Variants in BEND4 observed in about 807,000 individuals in gnomAD.
BEND4 encodes the protein BEN domain-containing protein 4.
Under a neutral mutation model 54.7 loss-of-function variants are expected in BEND4, and 27 were observed. The observed-to-expected ratio is 0.49, with a 90% CI of 0.36 to 0.68. The LOEUF is 0.68. Ranked by LOEUF, BEND4 falls within the 30% of genes least tolerant of loss-of-function variation. The pLI, the probability that BEND4 is intolerant of heterozygous loss-of-function variation, is 0.00. For missense variants in BEND4, 702 were observed against 697.2 expected (o/e 1.01, Z -0.08); for synonymous variants, 327 against 299.5 (o/e 1.09, Z -0.95).
At position 42,115,851 on chromosome 4, in the gene BEND4, T is replaced by A. The variant is rs1560573236; in HGVS notation, c.*1667A>T. 2 of 115,380 alleles carry A rather than the reference T, an allele frequency of 1.7e-5. No individual in the cohort carries two copies. Among genetic ancestry groups the A allele is most frequent in the Non-Finnish European group, 1.6e-5 (1 of 63,342 alleles). 7.1% of individuals were successfully genotyped at this position (115,380 alleles called of 1,614,324 possible). A position where few individuals can be genotyped will look rare whatever the true frequency, so the allele number is the denominator to read the frequency against. On this transcript the variant is annotated 3_prime_UTR_variant, in exon 6 of 6. Coordinates refer to ENST00000502486, the MANE Select transcript of BEND4 (RefSeq NM_207406.4). ...TTGAATATTGGTTCTCCCTATTCCA[T>A]TGAATGATATGACAAATTTTAGTTA... is the stretch of plus-strand genomic sequence containing the variant.
intron 3 of BEND4, among the ~76,000 whole-genome samples, chr4:42,133,580 C>T (rs370283096): frequency 5.8e-4 from 88 of 152,264 alleles, no homozygotes; most frequent in Middle Eastern, 3.4e-3. Flanking sequence ...ATGGGCGAGG[C>T]GCCGTGGCTC....
At chr4:42,142,132 C>T (rs1332694098) in intron 3 of BEND4, among the ~76,000 whole-genome samples, 1 of 151,580 alleles carries the variant, frequency 6.6e-6, no homozygotes, top group African/African-American at 2.4e-5. Context: ...GTCTCGATCA[C>T]CTGACCTTGT....
rs568684235 is a variant in BEND4 at position 42,151,538 on chromosome 4, C to T, written c.487+119G>A. 261 of 1,092,820 alleles carry T rather than the reference C, an allele frequency of 2.4e-4. 1 individual carries two copies. The African/African-American group carries it at 4.1e-3, about 17-fold the overall frequency. The allele number at this position is 1,092,820 out of a possible 1,614,324, so 67.7% of individuals were successfully genotyped here. On this transcript the variant is annotated intron_variant, in intron 2 of 5. Transcript: ENST00000502486. Reference sequence around the variant, plus strand: ...GCGCGGGGAGGCCCCAGGTGCGCCCCGACATCCCGACACGGCCCAGCACGG... The same window carrying T: ...GCGCGGGGAGGCCCCAGGTGCGCCCTGACATCCCGACACGGCCCAGCACGG...
At chr4:42,149,917 T>C (rs530544062) in intron 2 of BEND4, among the ~76,000 whole-genome samples, 3 of 151,956 alleles carry the variant, frequency 2.0e-5, no homozygotes, top group South Asian at 4.2e-4. Context: ...AAGTAAAATA[T>C]GGAAAGACAA....
rs1297789255 is a variant in BEND4, at chr4:42,115,064, G to A, written c.*2454C>T. On this transcript the variant is annotated 3_prime_UTR_variant, in exon 6 of 6. Coordinates refer to ENST00000502486, the MANE Select transcript of BEND4 (RefSeq NM_207406.4). The stretch of plus-strand genomic sequence containing the variant: ...AAAGCTGTAGGTCCGAGACCCAGCA[G>A]AGGAGTTAGAACTGGCTGTGCGATG... 3.9e-5 allele frequency: 6 copies of A among 152,302 alleles called. No homozygotes were observed. Among genetic ancestry groups the A allele is most frequent in the Non-Finnish European group, 5.9e-5 (4 of 68,086 alleles). 9.4% of individuals were successfully genotyped at this position (152,302 alleles called of 1,614,324 possible). A position where few individuals can be genotyped will look rare whatever the true frequency, so the allele number is the denominator to read the frequency against.
chr4:42,123,256 TAA>T (rs1363846260), intron 4 of BEND4, among the ~76,000 whole-genome samples: 2 of 152,126 alleles, frequency 1.3e-5, no homozygotes, highest in Non-Finnish European at 2.9e-5. Context: ...AATGACAATA[TAA>T]AGAGTCATAA....
At position 42,152,373 on chromosome 4, in the gene BEND4, A is replaced by C; in HGVS notation, c.-230T>G. On this transcript the variant is annotated 5_prime_UTR_variant, in exon 2 of 6. Transcript: ENST00000502486. ...TCCTGATTGACAGGCTGCCTCGCCA[A>C]TGCCTGGAGGGAGAAAGGAGGTAAA... is the stretch of plus-strand genomic sequence containing the variant. 9.9e-6 allele frequency: 3 copies of C among 301,850 alleles called. No individual in the cohort carries two copies. The highest frequency in any genetic ancestry group is 1.5e-4 in the South Asian group (1 of 6,870). 18.7% of individuals were successfully genotyped at this position (301,850 alleles called of 1,614,324 possible). A position where few individuals can be genotyped will look rare whatever the true frequency, so the allele number is the denominator to read the frequency against.
chr4:42,148,328 AAATC>A (rs1277120972), intron 2 of BEND4, among the ~76,000 whole-genome samples: 2 of 152,220 alleles, frequency 1.3e-5, no homozygotes, highest in African/African-American at 2.4e-5. Flanking sequence ...CTAAATAAAT[AAATC>A]AATGATGTGT....
intron 3 of BEND4, among the ~76,000 whole-genome samples, chr4:42,142,664 T>A (rs1046713911): frequency 6.9e-6 from 1 of 145,898 alleles, no homozygotes; most frequent in Non-Finnish European, 1.5e-5. Flanking sequence ...GTAAAATCAG[T>A]ACCTTACCAG....
chr4:42,124,613 AG>A (rs1720203685), intron 4 of BEND4, among the ~76,000 whole-genome samples: 1 of 152,218 alleles, frequency 6.6e-6, no homozygotes, highest in South Asian at 2.1e-4. Flanking sequence ...GAGAGTCACC[AG>A]GGGCCTCTTG....
chr4:42,136,135 G>A (rs1042475309), intron 3 of BEND4, among the ~76,000 whole-genome samples: 7 of 152,080 alleles, frequency 4.6e-5, no homozygotes, highest in African/African-American at 1.2e-4. Context: ...CATATGATCC[G>A]TGAGCTTCTC....
At position 42,152,256 on chromosome 4, in the gene BEND4, A is replaced by C; in HGVS notation, c.-113T>G. The stretch of plus-strand genomic sequence containing the variant: ...GTCTGCCCTGGTGCGCGCGTGTGGG[A>C]GGGTGTGTGTCTGTGCCGTGGCCGC... On this transcript the variant is annotated 5_prime_UTR_variant, in exon 2 of 6. Transcript: ENST00000502486. 1 of 1,072,626 alleles carries C rather than the reference A, an allele frequency of 9.3e-7. No homozygotes were observed. Among genetic ancestry groups the C allele is most frequent in the African/African-American group, 1.7e-5 (1 of 59,024 alleles). The allele number at this position is 1,072,626 out of a possible 1,614,324, so 66.4% of individuals were successfully genotyped here.
chr4:42,122,796 C>T (rs565453992), intron 4 of BEND4, among the ~76,000 whole-genome samples: 16 of 152,226 alleles, frequency 1.1e-4, no homozygotes, highest in African/African-American at 3.9e-4. Flanking sequence ...ACCTGGTAAG[C>T]CAGGATTACA....
chr4:42,130,073 T>C (rs1372230502), intron 3 of BEND4, among the ~76,000 whole-genome samples: 1 of 152,068 alleles, frequency 6.6e-6, no homozygotes, highest in African/African-American at 2.4e-5. Context: ...AACAACCCCA[T>C]TAAAAAGTGG....
Position 42,117,192 on chromosome 4 carries a change from A to C in BEND4, c.*326T>G. ...ACTACCCCAGCCTACCTTGGGGACT[A>C]TCTCTGCCCAGGTAGCAGAGTTTGA... On this transcript the variant is annotated 3_prime_UTR_variant, in exon 6 of 6. Transcript: ENST00000502486. 1 of 200,510 alleles carries C rather than the reference A, an allele frequency of 5.0e-6. No homozygotes were observed. Among genetic ancestry groups the C allele is most frequent in the Non-Finnish European group, 9.9e-6 (1 of 100,572 alleles). The allele number at this position is 200,510 out of a possible 1,614,324, so 12.4% of individuals were successfully genotyped here. A position where few individuals can be genotyped will look rare whatever the true frequency, so the allele number is the denominator to read the frequency against.
At chr4:42,118,333 CTAAA>C (rs1719925843) in intron 5 of BEND4, among the ~76,000 whole-genome samples, 2 of 152,282 alleles carry the variant, frequency 1.3e-5, no homozygotes, top group South Asian at 4.1e-4. Flanking sequence ...GTTATCTCCT[CTAAA>C]TATTTAATTT....
chr4:42,122,668 T>C (rs772708383), intron 4 of BEND4, among the ~76,000 whole-genome samples: 2 of 152,256 alleles, frequency 1.3e-5, no homozygotes, highest in Non-Finnish European at 2.9e-5. Context: ...ACCATCCTCT[T>C]AGTTATGGTC....
chr4:42,143,729 G>A lies in BEND4; in HGVS notation c.753C>T (p.Asp251=), dbSNP rs1283555819. 3 of 1,614,036 alleles carry A rather than the reference G, an allele frequency of 1.9e-6. No homozygotes were observed. The highest frequency in any genetic ancestry group is 1.1e-5 in the South Asian group (1 of 91,078). The change falls in exon 3 of 6, where the codon GAC becomes GAT. Residue 251 remains aspartate (D), a synonymous_variant. Transcript: ENST00000502486. ...QTSAFLRVFT[D]SLQNYLLSGS... is the part of the protein sequence containing the mutation. ...CCGAGAGCAGGTAATTTTGTAGAGA[G>A]TCAGTGAAAACCCTCAAAAAGGCAG... is the stretch of plus-strand genomic sequence containing the variant.
At chr4:42,151,031 A>G (rs1336271536) in intron 2 of BEND4, 1 of 152,172 alleles carries the variant, frequency 6.6e-6, no homozygotes, top group Non-Finnish European at 1.5e-5. Context: ...CCCGAGTCTC[A>G]CAACCAAGGG....
Sources: gnomAD v4.1 joint callset for allele counts (sites outside exome capture counted in the v4.1 genomes callset) on GRCh38, gnomAD v4.1.1 for gene constraint, MANE v1.5 for transcripts, NCBI Gene and HGNC (gene_info 2026-07-23, HGNC 2026-07-21) for gene names.